POLR1D: variants seen among roughly 807,000 people sequenced by gnomAD.
The protein encoded by POLR1D is RNA polymerase I and III subunit D, also known as DNA-directed RNA polymerases I and III subunit RPAC2.
POLR1D carries 8 observed loss-of-function variants against 10.8 expected under a neutral mutation model. That is an observed-to-expected ratio of 0.74 (90% confidence interval 0.43 to 1.33). The LOEUF is 1.33. Among genes scored for constraint, POLR1D ranks in the 40% most tolerant of loss-of-function variants. The pLI is 0.01. For synonymous variants in POLR1D, 54 were observed against 57.2 expected, an observed-to-expected ratio of 0.94 and a Z score of 0.25; for missense variants, 152 against 161.7, an observed-to-expected ratio of 0.94 and a Z score of 0.32.
intron 1 of POLR1D, among the ~76,000 whole-genome samples, chr13:27,635,897 G>GCTTT (rs970970342): frequency 3.9e-5 from 6 of 151,944 alleles, no homozygotes; most frequent in Non-Finnish European, 8.8e-5. Context: ...TATTGTGGCT[G>GCTTT]CTTTCTTATT....
chr13:27,621,236 G>C (rs1310343673), upstream of POLR1D: 1 of 152,628 alleles, frequency 6.6e-6, no homozygotes, highest in Non-Finnish European at 1.5e-5. Flanking sequence ...TCTGGGGGTA[G>C]AAGGAATCCT....
At position 27,640,590 on chromosome 13, in the gene POLR1D, C is replaced by T. The variant is rs920081700; in HGVS notation, c.27-7789C>T. 4.3e-4 allele frequency among the ~76,000 whole-genome samples: 66 copies of T among 152,038 alleles called. 1 individual carries two copies. The highest frequency in any genetic ancestry group is 1.9e-4 in the East Asian group (1 of 5,192). ...TCTGAAGATACTCATGATTTAATAC[C>T]GTACTTGAAACAGCTGCACCTGGAA... On this transcript the variant is annotated intron_variant, in intron 1 of 2. Coordinates refer to the POLR1D transcript ENST00000399697.
upstream of POLR1D, chr13:27,621,856 C>T (rs1220647116): frequency 1.4e-5 from 14 of 977,128 alleles, no homozygotes; most frequent in Middle Eastern, 4.1e-4. Context: ...GGCTCCTCCT[C>T]CCTCCTTCCG....
At chr13:27,642,079 A>G (rs1956179531) in intron 1 of POLR1D, among the ~76,000 whole-genome samples, 1 of 152,186 alleles carries the variant, frequency 6.6e-6, no homozygotes, top group South Asian at 2.1e-4. Flanking sequence ...CACAATTAGC[A>G]TCTCCACTAA....
At chr13:27,647,005 T>TA (rs1395969182) in intron 1 of POLR1D, among the ~76,000 whole-genome samples, 1 of 152,240 alleles carries the variant, frequency 6.6e-6, no homozygotes, top group Admixed American at 6.5e-5. Context: ...AGACTCTATA[T>TA]AATTATCCAG....
Position 27,658,157 on chromosome 13 carries a change from A to G in POLR1D, c.102-7529A>G, listed in dbSNP as rs528686168. On this transcript the variant is annotated intron_variant, in intron 2 of 2. Transcript: ENST00000399697. ...TGCCTGTGCCCCACTATCAGTGATT[A>G]TGAACTTGGGGTGTGGCCTGGGCTT... Among the ~76,000 whole-genome samples, 7 of 152,376 alleles carry G rather than the reference A, an allele frequency of 4.6e-5. No homozygotes were observed. The East Asian group carries it at 1.3e-3, about 29-fold the overall frequency.
chr13:27,666,600 A>G (rs1956421321), exon 3 of POLR1D: 1 of 152,174 alleles, frequency 6.6e-6, no homozygotes, highest in Admixed American at 6.5e-5. Flanking sequence ...ATCTTTCTAT[A>G]TTTAATTTTT....
chr13:27,635,005 A>G (rs1956108949), intron 1 of POLR1D, among the ~76,000 whole-genome samples: 1 of 152,068 alleles, frequency 6.6e-6, no homozygotes, highest in Non-Finnish European at 1.5e-5. Flanking sequence ...GATGTTGTCG[A>G]TGTTACCTGC....
intron 1 of POLR1D, among the ~76,000 whole-genome samples, chr13:27,637,949 G>A (rs1227230827): frequency 6.6e-6 from 1 of 151,708 alleles, no homozygotes; most frequent in Admixed American, 6.6e-5. Flanking sequence ...TTTTTGTATA[G>A]TATATTTTTG....
intron 2 of POLR1D, among the ~76,000 whole-genome samples, chr13:27,659,925 T>TATATATATATATATATACAC (rs528297415): frequency 6.7e-6 from 1 of 149,384 alleles, no homozygotes; most frequent in African/African-American, 2.5e-5. Flanking sequence ...TATATATATA[T>TATATATATATATATATACAC]ACACACACAT....
At chr13:27,664,743 T>C (rs1486815728) in intron 2 of POLR1D, 1 of 152,240 alleles carries the variant, frequency 6.6e-6, no homozygotes, top group African/African-American at 2.4e-5. Context: ...AAGTATTGTT[T>C]GGGGTTCTCT....
chr13:27,629,177 T>A (rs1276035671), intron 1 of POLR1D, among the ~76,000 whole-genome samples: 3 of 152,194 alleles, frequency 2.0e-5, no homozygotes, highest in African/African-American at 7.2e-5. Flanking sequence ...CTTGGGTATC[T>A]TTTCAGTAAG....
chr13:27,622,097 G>A, intron 1 of POLR1D, 88 bp downstream of exon 1: 1 of 1,113,948 alleles, frequency 9.0e-7, no homozygotes, highest in Non-Finnish European at 1.3e-6. Flanking sequence ...TGGCAGCCGG[G>A]GCCTGACTCG....
downstream of POLR1D, chr13:27,623,523 T>G (rs1593275968): frequency 4.5e-6 from 2 of 439,754 alleles, no homozygotes; most frequent in Non-Finnish European, 7.5e-6. Flanking sequence ...TAAGCCAGCA[T>G]TGAAAATGAG....
chr13:27,630,791 T>C (rs1028487752), intron 1 of POLR1D, among the ~76,000 whole-genome samples: 1 of 152,240 alleles, frequency 6.6e-6, no homozygotes, highest in African/African-American at 2.4e-5. Flanking sequence ...TTAGTGGGAG[T>C]TAAACTTATG....
intron 1 of POLR1D, among the ~76,000 whole-genome samples, chr13:27,640,222 G>C (rs1352455888): frequency 2.0e-5 from 3 of 152,136 alleles, no homozygotes; most frequent in African/African-American, 4.8e-5. Flanking sequence ...TGGATGAGGA[G>C]AGCAGCCCTA....
downstream of POLR1D, among the ~76,000 whole-genome samples, chr13:27,624,096 AC>A (rs1955982118): frequency 6.6e-6 from 1 of 151,904 alleles, no homozygotes; most frequent in Admixed American, 6.6e-5. Context: ...CACATATCCC[AC>A]CCGCCAGTGC....
intron 1 of POLR1D, among the ~76,000 whole-genome samples, chr13:27,639,291 C>T: frequency 6.6e-6 from 1 of 151,990 alleles, no homozygotes; most frequent in African/African-American, 2.4e-5. Flanking sequence ...GTGGATTTTT[C>T]CCCTAACTAA....
chr13:27,659,664 A>G (rs11842958), intron 2 of POLR1D, among the ~76,000 whole-genome samples: 12,334 of 152,064 alleles, frequency 0.081, 650 homozygotes, highest in Non-Finnish European at 0.11. Context: ...AGAGCCCTGA[A>G]TGTGTTACTG....
Sources: allele counts gnomAD v4.1 joint callset (sites outside exome capture counted in the v4.1 genomes callset), GRCh38; gene constraint gnomAD v4.1.1; transcripts MANE v1.5; gene names NCBI Gene and HGNC (gene_info 2026-07-23, HGNC 2026-07-21).